Variants in LRP1B observed in about 807,000 individuals in gnomAD.
LRP1B encodes the protein LDL receptor related protein 1B, also known as low-density lipoprotein receptor-related protein 1B.
In LRP1B, 217 loss-of-function variants were observed where a neutral mutation model predicts 556.6. The observed-to-expected ratio is 0.39, with a 90% CI of 0.35 to 0.44. The LOEUF (loss-of-function observed/expected upper bound fraction) is 0.44. Ranked by LOEUF, LRP1B falls within the 20% of genes least tolerant of loss-of-function variation. The pLI is 1.00. For synonymous variants in LRP1B, 2,047 were observed against 1,865.8 expected, an observed-to-expected ratio of 1.10 and a Z score of -2.50; for missense variants, 5,053 against 5,620.8, an observed-to-expected ratio of 0.90 and a Z score of 3.23.
intron 67 of LRP1B, among the ~76,000 whole-genome samples, chr2:140,384,746 T>C (rs1361221454): frequency 2.6e-5 from 4 of 152,190 alleles, no homozygotes; most frequent in Non-Finnish European, 4.4e-5. Flanking sequence ...CATATTCCTA[T>C]GTAGATTTAG....
chr2:141,053,203 AT>A (rs1699085160), intron 10 of LRP1B, among the ~76,000 whole-genome samples: 1 of 151,986 alleles, frequency 6.6e-6, no homozygotes, highest in Non-Finnish European at 1.5e-5. Flanking sequence ...AGGGTAGTGG[AT>A]TTCATTTGAC....
At chr2:140,338,401 G>A (rs1275166325) in intron 77 of LRP1B, among the ~76,000 whole-genome samples, 1 of 151,652 alleles carries the variant, frequency 6.6e-6, no homozygotes, top group Admixed American at 6.6e-5. Context: ...AGACAATAAG[G>A]AGGAAGAGGG....
At chr2:141,356,037 A>T (rs1359448005) in intron 3 of LRP1B, among the ~76,000 whole-genome samples, 1 of 152,172 alleles carries the variant, frequency 6.6e-6, no homozygotes, top group Non-Finnish European at 1.5e-5. Flanking sequence ...AACCTCTCTT[A>T]TAGTAGAACA....
At chr2:140,310,143 T>C (rs1250069554) in intron 83 of LRP1B, among the ~76,000 whole-genome samples, 1 of 151,814 alleles carries the variant, frequency 6.6e-6, no homozygotes, top group African/African-American at 2.4e-5. Flanking sequence ...CCCAAACTCC[T>C]GCATATATGT....
At chr2:140,980,349 C>T (rs980555860) in intron 18 of LRP1B, among the ~76,000 whole-genome samples, 1 of 152,028 alleles carries the variant, frequency 6.6e-6, no homozygotes, top group African/African-American at 2.4e-5. Flanking sequence ...GCAGACACAG[C>T]CAGATATAGG....
intron 56 of LRP1B, 66 bp downstream of exon 56, chr2:140,495,499 G>C (rs1400941246): frequency 1.4e-6 from 2 of 1,397,668 alleles, no homozygotes; most frequent in South Asian, 1.4e-5. Flanking sequence ...CAATAAGAAC[G>C]GCTATAAAAT....
At chr2:141,059,101 G>C in intron 8 of LRP1B, 47 bp from the exon 9 acceptor site, 1 of 1,241,620 alleles carries the variant, frequency 8.1e-7, no homozygotes, top group Non-Finnish European at 1.1e-6. Flanking sequence ...TATGTAGCTT[G>C]CAATTTGAAA....
At position 140,358,941 on chromosome 2, in the gene LRP1B, A is replaced by G; in HGVS notation, c.11137T>C (p.Phe3713Leu). 2 of 1,606,536 alleles carry G rather than the reference A, an allele frequency of 1.2e-6. No individual in the cohort carries two copies. The highest frequency in any genetic ancestry group is 2.7e-5 in the African/African-American group (2 of 74,724). ...SDEAPDMCVK[F>L]LCPSTRPHRC... ...TGAGGTCTCGTGGATGGACAAAGAAATTTGACTGAAGAAAAAGAAGAAAAA... is the reference window on the plus strand; with the variant it reads ...TGAGGTCTCGTGGATGGACAAAGAAGTTTGACTGAAGAAAAAGAAGAAAAA... The change falls in exon 73 of 91, where the codon TTT (phenylalanine) becomes CTT (leucine). Residue 3713 changes from phenylalanine (F) to leucine (L), a missense_variant. Physicochemically the swap from Phe to Leu is conservative, Grantham distance 22 (BLOSUM62 0). Transcript: ENST00000389484.
chr2:142,071,482 G>T (rs780615965), intron 1 of LRP1B, among the ~76,000 whole-genome samples: 12 of 151,740 alleles, frequency 7.9e-5, no homozygotes, highest in South Asian at 2.1e-4. Flanking sequence ...TGGAAATGTT[G>T]AAAAAAATTA....
chr2:141,862,888 A>G (rs1574440170), intron 1 of LRP1B, among the ~76,000 whole-genome samples: 1 of 152,212 alleles, frequency 6.6e-6, no homozygotes, highest in South Asian at 2.1e-4. Context: ...GAGAAACACA[A>G]GCCTATATAT....
intron 2 of LRP1B, among the ~76,000 whole-genome samples, chr2:141,765,573 A>C (rs1225702403): frequency 1.3e-5 from 2 of 152,198 alleles, no homozygotes; most frequent in Non-Finnish European, 2.9e-5. Flanking sequence ...AAAAAAAATT[A>C]GCTAAATTTC....
At chr2:140,251,610 G>A (rs1218221173) in intron 86 of LRP1B, among the ~76,000 whole-genome samples, 6 of 151,894 alleles carry the variant, frequency 4.0e-5, no homozygotes, top group Non-Finnish European at 7.4e-5. Context: ...ATACGTATGT[G>A]CAAGGTTGCC....
intron 2 of LRP1B, among the ~76,000 whole-genome samples, chr2:141,612,305 C>T (rs1239764990): frequency 6.6e-6 from 1 of 152,142 alleles, no homozygotes; most frequent in Non-Finnish European, 1.5e-5. Context: ...GAAGTGTCTT[C>T]ATCAAGTGGG....
At chr2:140,640,378 GTTTTC>G (rs1684241884) in intron 41 of LRP1B, among the ~76,000 whole-genome samples, 1 of 61,118 alleles carries the variant, frequency 1.6e-5, no homozygotes, top group African/African-American at 6.0e-5. Flanking sequence ...CCCTTGTCCT[GTTTTC>G]TTTTTTTTTT....
intron 18 of LRP1B, among the ~76,000 whole-genome samples, chr2:140,961,589 A>C (rs1696036054): frequency 6.6e-6 from 1 of 152,088 alleles, no homozygotes; most frequent in Admixed American, 6.6e-5. Context: ...GTCTTTATTA[A>C]AAATTAGAAA....
intron 43 of LRP1B, among the ~76,000 whole-genome samples, chr2:140,580,606 G>A (rs1049839413): frequency 2.0e-5 from 3 of 152,018 alleles, no homozygotes; most frequent in Admixed American, 1.3e-4. Flanking sequence ...CAATTTCCAT[G>A]ATAGCTCATA....
At chr2:141,096,668 G>GAGAGAGAGAGAA (rs1700325444) in intron 7 of LRP1B, among the ~76,000 whole-genome samples, 1 of 128,294 alleles carries the variant, frequency 7.8e-6, no homozygotes, top group South Asian at 2.7e-4. Flanking sequence ...GAGAGAGAGA[G>GAGAGAGAGAGAA]AGAGAGAGAG....
intron 11 of LRP1B, among the ~76,000 whole-genome samples, chr2:141,044,663 G>A (rs1175783721): frequency 6.6e-6 from 1 of 151,914 alleles, no homozygotes; most frequent in Non-Finnish European, 1.5e-5. Flanking sequence ...AAAGACACAT[G>A]AAAAAATGCT....
chr2:141,770,064 C>T (rs893078614), intron 2 of LRP1B, among the ~76,000 whole-genome samples: 12 of 152,248 alleles, frequency 7.9e-5, no homozygotes, highest in African/African-American at 2.9e-4. Flanking sequence ...GAAATTCGGT[C>T]CTAAAACATC....
Sources: allele counts gnomAD v4.1 joint callset (sites outside exome capture counted in the v4.1 genomes callset), GRCh38; gene constraint gnomAD v4.1.1; transcripts MANE v1.5; gene names NCBI Gene and HGNC (gene_info 2026-07-23, HGNC 2026-07-21).